Variants in GNAO1 observed in about 807,000 individuals in gnomAD.
The protein encoded by GNAO1 is G protein subunit alpha o1.
For missense variants in GNAO1, 166 were observed against 478.7 expected, an observed-to-expected ratio of 0.35 and a Z score of 6.10; for synonymous variants, 164 against 180.7, an observed-to-expected ratio of 0.91 and a Z score of 0.74.
intron 3 of GNAO1, among the ~76,000 whole-genome samples, chr16:56,312,937 A>G (rs879612432): frequency 6.6e-6 from 1 of 152,186 alleles, no homozygotes; most frequent in Non-Finnish European, 1.5e-5. Context: ...GACCTTCATA[A>G]CACCTCTGAA....
intron 3 of GNAO1, among the ~76,000 whole-genome samples, chr16:56,287,405 CCTGA>C (rs762688147): frequency 3.7e-4 from 57 of 152,336 alleles, no homozygotes; most frequent in Middle Eastern, 3.4e-3. Context: ...GCACTAGTCA[CCTGA>C]CTGACTGACC....
At chr16:56,306,495 C>G (rs1380254436) in intron 3 of GNAO1, among the ~76,000 whole-genome samples, 2 of 152,178 alleles carry the variant, frequency 1.3e-5, no homozygotes, top group East Asian at 1.9e-4. Flanking sequence ...GACTTATGAC[C>G]AGCTGTCCCC....
intron 3 of GNAO1, among the ~76,000 whole-genome samples, chr16:56,298,112 C>T (rs557684253): frequency 1.3e-5 from 2 of 152,292 alleles, no homozygotes; most frequent in Admixed American, 6.5e-5. Context: ...GTCGAGGCTA[C>T]GGTAAGCCAT....
chr16:56,278,092 C>A (rs1174616830), intron 3 of GNAO1, among the ~76,000 whole-genome samples: 4 of 152,134 alleles, frequency 2.6e-5, no homozygotes, highest in Non-Finnish European at 5.9e-5. Flanking sequence ...CCCTGGGAAA[C>A]AGGGTCCCTT....
intron 2 of GNAO1, 136 bp downstream of exon 2, chr16:56,192,752 C>A (rs200037466): frequency 1.9e-5 from 10 of 538,612 alleles, no homozygotes; most frequent in Non-Finnish European, 3.1e-5. Flanking sequence ...ACACACACAC[C>A]CCTATATTTG....
chr16:56,297,656 G>C (rs2037301544), intron 3 of GNAO1, among the ~76,000 whole-genome samples: 1 of 151,422 alleles, frequency 6.6e-6, no homozygotes, highest in South Asian at 2.1e-4. Context: ...AAGTGTTATA[G>C]CATCCTGGTG....
intron 3 of GNAO1, among the ~76,000 whole-genome samples, chr16:56,310,685 C>A (rs186702601): frequency 7.9e-5 from 12 of 152,328 alleles, no homozygotes; most frequent in Admixed American, 5.2e-4. Context: ...AAATAGGGAA[C>A]AAAAGCCAGG....
chr16:56,233,099 T>G (rs747415109), intron 2 of GNAO1, among the ~76,000 whole-genome samples: 3 of 152,232 alleles, frequency 2.0e-5, no homozygotes, highest in Non-Finnish European at 2.9e-5. Flanking sequence ...TTAATCTAGC[T>G]GTGTCTGTTT....
At chr16:56,292,985 C>T (rs549712698) in intron 3 of GNAO1, among the ~76,000 whole-genome samples, 20 of 152,302 alleles carry the variant, frequency 1.3e-4, no homozygotes, top group African/African-American at 3.4e-4. Context: ...CCCTGTCCCA[C>T]GTAGGCCCGA....
chr16:56,249,442 A>G (rs1378840132), intron 2 of GNAO1, among the ~76,000 whole-genome samples: 2 of 152,148 alleles, frequency 1.3e-5, no homozygotes, highest in East Asian at 3.9e-4. Context: ...GCATTGACAG[A>G]CAATCCAGGC....
intron 2 of GNAO1, among the ~76,000 whole-genome samples, chr16:56,257,835 G>A (rs1258115605): frequency 6.6e-6 from 1 of 152,212 alleles, no homozygotes; most frequent in Non-Finnish European, 1.5e-5. Context: ...CTGGTAGACT[G>A]AGGGCTGTGG....
At chr16:56,271,372 A>T (rs1243745215) in intron 2 of GNAO1, among the ~76,000 whole-genome samples, 1 of 152,260 alleles carries the variant, frequency 6.6e-6, no homozygotes, top group Non-Finnish European at 1.5e-5. Context: ...ACCCTCAAAC[A>T]TGAGCTGCAA....
intron 3 of GNAO1, among the ~76,000 whole-genome samples, chr16:56,281,563 T>C (rs1353675816): frequency 1.3e-5 from 2 of 151,996 alleles, no homozygotes; most frequent in African/African-American, 4.8e-5. Context: ...CCTTTTCCTC[T>C]GTCCTCCTCC....
chr16:56,233,814 C>G (rs2036612916), intron 2 of GNAO1, among the ~76,000 whole-genome samples: 1 of 152,174 alleles, frequency 6.6e-6, no homozygotes, highest in African/African-American at 2.4e-5. Context: ...CACTCTTGTT[C>G]CCCAAAGGCT....
At chr16:56,334,955 G>A in intron 5 of GNAO1, 98 bp downstream of exon 5, 1 of 1,339,432 alleles carries the variant, frequency 7.5e-7, no homozygotes, top group Non-Finnish European at 1.0e-6. Context: ...ACATCATCCT[G>A]CCCCAGGGAA....
At chr16:56,337,970 C>T (rs1332726623) in intron 6 of GNAO1, among the ~76,000 whole-genome samples, 2 of 152,206 alleles carry the variant, frequency 1.3e-5, no homozygotes, top group Non-Finnish European at 2.9e-5. Context: ...AAGGCTGGCA[C>T]CGAGGGTTTG....
In GNAO1 at chr16:56,309,670, G is replaced by T. The variant is rs1345236512; in HGVS notation, c.304-18961G>T. ...CAGGACCAGAAGCCAAGGCCCTTCTGCTAGGAGAAGAGGGAGGTGAAGTGA... is the reference window on the plus strand; with the variant it reads ...CAGGACCAGAAGCCAAGGCCCTTCTTCTAGGAGAAGAGGGAGGTGAAGTGA... On this transcript the variant is annotated intron_variant, in intron 3 of 8. Coordinates refer to ENST00000262493, the MANE Select transcript of GNAO1 (RefSeq NM_020988.3). Among the ~76,000 whole-genome samples the T allele has an allele frequency of 2.8e-4, 43 of 152,222 alleles. 1 individual carries two copies.
intron 2 of GNAO1, among the ~76,000 whole-genome samples, chr16:56,262,928 C>T (rs759316037): frequency 3.9e-5 from 6 of 152,210 alleles, no homozygotes; most frequent in Non-Finnish European, 7.3e-5. Flanking sequence ...TGCAACATAA[C>T]CAGTGAATTT....
At chr16:56,324,992 G>A (rs760569691) in intron 3 of GNAO1, among the ~76,000 whole-genome samples, 4 of 152,202 alleles carry the variant, frequency 2.6e-5, no homozygotes, top group Admixed American at 6.5e-5. Context: ...TTTCGTTGGC[G>A]ACAAAACTTC....
Sources: allele counts gnomAD v4.1 joint callset (sites outside exome capture counted in the v4.1 genomes callset), GRCh38; gene constraint gnomAD v4.1.1; transcripts MANE v1.5; gene names NCBI Gene and HGNC (gene_info 2026-07-23, HGNC 2026-07-21).